The following NCOA2 variants were observed in gnomAD, a reference collection of about 807,000 sequenced individuals.
The protein encoded by NCOA2 is nuclear receptor coactivator 2.
In NCOA2, 21 loss-of-function variants were observed where a neutral mutation model predicts 145.1. The ratio of observed to expected loss-of-function variants is 0.14; its 90% CI spans 0.10 to 0.21. NCOA2 has a LOEUF of 0.21. Among genes scored for constraint, NCOA2 ranks in the 10% least tolerant of loss-of-function variants. The probability of loss-of-function intolerance (pLI) is 1.00; values close to 1 mark genes in which losing one functional copy is unlikely to be tolerated. For missense variants in NCOA2, 1,472 were observed against 1,837.6 expected (o/e 0.80, Z 3.64); for synonymous variants, 619 against 637.5 (o/e 0.97, Z 0.44).
At chr8:70,309,870 T>C (rs1828173635) in intron 1 of NCOA2, among the ~76,000 whole-genome samples, 1 of 151,882 alleles carries the variant, frequency 6.6e-6, no homozygotes, top group South Asian at 2.1e-4. Context: ...AGGAGGATCG[T>C]TTGAGCCCAG....
At chr8:70,185,235 T>C (rs1815927460) in intron 4 of NCOA2, among the ~76,000 whole-genome samples, 1 of 152,196 alleles carries the variant, frequency 6.6e-6, no homozygotes, top group Admixed American at 6.5e-5. Context: ...CATTCTAGCA[T>C]TTGCTTGAGC....
intron 2 of NCOA2, among the ~76,000 whole-genome samples, chr8:70,218,969 A>G (rs1218940179): frequency 1.3e-5 from 2 of 152,052 alleles, no homozygotes; most frequent in African/African-American, 4.8e-5. Context: ...AGCTTTCAAC[A>G]GACAATTAAA....
intron 1 of NCOA2, among the ~76,000 whole-genome samples, chr8:70,375,006 C>T (rs1349833232): frequency 6.6e-6 from 1 of 151,634 alleles, no homozygotes; most frequent in Non-Finnish European, 1.5e-5. Flanking sequence ...TTCAGTCACC[C>T]TACGTCTGCA....
intron 12 of NCOA2, among the ~76,000 whole-genome samples, chr8:70,146,191 C>T (rs1811048852): frequency 6.6e-6 from 1 of 152,126 alleles, no homozygotes; most frequent in African/African-American, 2.4e-5. Context: ...ACTCTGTTGC[C>T]TAAAGCAGTA....
At chr8:70,376,584 A>G (rs1251801649) in intron 1 of NCOA2, among the ~76,000 whole-genome samples, 1 of 152,254 alleles carries the variant, frequency 6.6e-6, no homozygotes, top group Non-Finnish European at 1.5e-5. Flanking sequence ...CAGGGTGTGA[A>G]TAGATTTAAC....
At chr8:70,260,789 G>C (rs2135035002) in intron 2 of NCOA2, among the ~76,000 whole-genome samples, 1 of 152,228 alleles carries the variant, frequency 6.6e-6, no homozygotes. Context: ...TTAAAAAATG[G>C]ACTGTCTGAA....
At chr8:70,401,298 T>C (rs1460887603) in intron 1 of NCOA2, among the ~76,000 whole-genome samples, 2 of 152,210 alleles carry the variant, frequency 1.3e-5, no homozygotes, top group Non-Finnish European at 2.9e-5. Flanking sequence ...AAACCTTGTA[T>C]AAACCAGAAA....
At position 70,131,962 on chromosome 8, in the gene NCOA2, G is replaced by A; in HGVS notation, c.3199C>T (p.His1067Tyr). 5 of 1,612,416 alleles carry A rather than the reference G, an allele frequency of 3.1e-6. No individual in the cohort carries two copies. Among genetic ancestry groups the A allele is most frequent in the Non-Finnish European group, 3.4e-6 (4 of 1,179,302 alleles). Residue 1067 changes from histidine to tyrosine, a missense_variant, in exon 16 of 23, where the codon CAT (histidine) becomes TAT (tyrosine). His to Tyr is a moderately conservative substitution (Grantham distance 83). Around this residue, in one of 4 missense-constraint regions of NCOA2, gnomAD observed 953 missense variants for 1,062.1 expected, o/e 0.90. Coordinates refer to ENST00000452400, the MANE Select transcript of NCOA2 (RefSeq NM_006540.4). ...GSSPDDLLCP[H>Y]PAAESPSDEG... ...TCACTCGGAGACTCAGCTGCAGGAT[G>A]TGGACATAGCAAGTCATCTGGAGAA...
At chr8:70,221,236 C>A (rs548604296) in intron 2 of NCOA2, among the ~76,000 whole-genome samples, 31 of 152,266 alleles carry the variant, frequency 2.0e-4, no homozygotes, top group African/African-American at 7.2e-4. Context: ...ATACATAAAA[C>A]CTCACTTAAA....
At chr8:70,113,936 A>G (rs1480729339) in intron 22 of NCOA2, among the ~76,000 whole-genome samples, 1 of 152,190 alleles carries the variant, frequency 6.6e-6, no homozygotes, top group African/African-American at 2.4e-5. Flanking sequence ...CCGCTCTCCA[A>G]CCAACAACAT....
chr8:70,117,176 G>A (rs1342306765), intron 22 of NCOA2, among the ~76,000 whole-genome samples: 1 of 152,254 alleles, frequency 6.6e-6, no homozygotes, highest in Non-Finnish European at 1.5e-5. Context: ...CTGCCGTGTG[G>A]CCCGCACCAC....
intron 15 of NCOA2, among the ~76,000 whole-genome samples, chr8:70,134,015 C>T (rs1809457085): frequency 6.6e-6 from 1 of 152,200 alleles, no homozygotes; most frequent in South Asian, 2.1e-4. Context: ...CCACCCAGAC[C>T]CCTGAGAGGC....
At chr8:70,409,516 T>G in the NCOA2 span, among the ~76,000 whole-genome samples, 3 of 152,194 alleles carry the variant, frequency 2.0e-5, no homozygotes, top group Non-Finnish European at 2.9e-5. Context: ...AATAGTGACT[T>G]CTTACCATAC....
At chr8:70,118,287 G>A (rs1017563323) in intron 22 of NCOA2, among the ~76,000 whole-genome samples, 1 of 152,170 alleles carries the variant, frequency 6.6e-6, no homozygotes, top group African/African-American at 2.4e-5. Flanking sequence ...CCCCTCTGTG[G>A]GAGCCCAATT....
chr8:70,423,322 T>C, the NCOA2 span, among the ~76,000 whole-genome samples: 1 of 152,210 alleles, frequency 6.6e-6, no homozygotes, highest in Non-Finnish European at 1.5e-5. Context: ...TAGCTGGGGT[T>C]ACAGGCATGT....
chr8:70,308,606 G>A (rs1482655074), intron 1 of NCOA2, among the ~76,000 whole-genome samples: 2 of 152,106 alleles, frequency 1.3e-5, no homozygotes, highest in Admixed American at 6.6e-5. Flanking sequence ...AAATTCATTT[G>A]TAGCATGAAC....
chr8:70,372,276 C>A (rs917101660), intron 1 of NCOA2, among the ~76,000 whole-genome samples: 2 of 152,106 alleles, frequency 1.3e-5, no homozygotes, highest in Non-Finnish European at 2.9e-5. Context: ...TCCACTCATA[C>A]AAAAATCACT....
intron 11 of NCOA2, among the ~76,000 whole-genome samples, chr8:70,154,492 A>G (rs928647591): frequency 1.3e-5 from 2 of 152,192 alleles, no homozygotes; most frequent in African/African-American, 2.4e-5. Context: ...AGCTCACTGC[A>G]GCCTCCAACT....
chr8:70,336,450 T>C (rs1388281825), intron 1 of NCOA2, among the ~76,000 whole-genome samples: 3 of 152,134 alleles, frequency 2.0e-5, no homozygotes, highest in Admixed American at 6.6e-5. Context: ...TATTAGCCCA[T>C]TTTCACACTA....
Sources: gnomAD v4.1 joint callset for allele counts (sites outside exome capture counted in the v4.1 genomes callset) on GRCh38, gnomAD v4.1.1 for gene constraint, gnomAD v4.1.1 regional missense constraint, MANE v1.5 for transcripts, NCBI Gene and HGNC (gene_info 2026-07-23, HGNC 2026-07-21) for gene names.